CCDC102A: variants seen among roughly 807,000 people sequenced by gnomAD.
The protein encoded by CCDC102A is coiled-coil domain containing 102A.
CCDC102A carries 40 observed loss-of-function variants against 55.5 expected under a neutral mutation model. That is an observed-to-expected ratio of 0.72 (90% CI 0.56 to 0.94). CCDC102A has a LOEUF of 0.94. Ranked by LOEUF, CCDC102A falls within the 40% of genes least tolerant of loss-of-function variation. The probability of loss-of-function intolerance (pLI) is 0.00; values close to 1 mark genes in which losing one functional copy is unlikely to be tolerated. For synonymous variants in CCDC102A, 323 were observed against 339.0 expected (o/e 0.95, Z 0.52); for missense variants, 779 against 768.6 (o/e 1.01, Z -0.16).
At chr16:57,515,269 G>C in intron 8 of CCDC102A, 72 bp downstream of exon 8, 1 of 963,058 alleles carries the variant, frequency 1.0e-6, no homozygotes, top group Admixed American at 2.0e-5. Context: ...CTTGGTTTGG[G>C]CTCCGTCCCT....
chr16:57,533,453 C>T (rs1486571331), intron 1 of CCDC102A, among the ~76,000 whole-genome samples: 1 of 151,964 alleles, frequency 6.6e-6, no homozygotes, highest in East Asian at 1.9e-4. Flanking sequence ...GACACACACT[C>T]ACATACAGCC....
chr16:57,535,790 C>A (rs1228339337), intron 1 of CCDC102A, among the ~76,000 whole-genome samples: 6 of 152,168 alleles, frequency 3.9e-5, no homozygotes, highest in African/African-American at 1.4e-4. Flanking sequence ...TGGGGAGAGG[C>A]ACTAAAAAGA....
At chr16:57,519,748 C>T (rs2032014413) in intron 4 of CCDC102A, among the ~76,000 whole-genome samples, 2 of 152,210 alleles carry the variant, frequency 1.3e-5, no homozygotes, top group African/African-American at 4.8e-5. Flanking sequence ...CTGGACCCAG[C>T]CCTGAAAGGT....
At position 57,515,721 on chromosome 16, in the gene CCDC102A, T is replaced by A. The variant is rs182590117; in HGVS notation, c.1420-277A>T. Among the ~76,000 whole-genome samples, 39 of 152,022 alleles carry A rather than the reference T, an allele frequency of 2.6e-4. No individual in the cohort carries two copies. In the East Asian group the frequency reaches 6.9e-3, roughly 27 times the overall value. On this transcript the variant is annotated intron_variant, in intron 7 of 8. Coordinates refer to ENST00000258214, the MANE Select transcript of CCDC102A (RefSeq NM_033212.4). ...TCCTATCCTTCTGTCCCCATCAGTCTGTCCATCGGACCATTCGTCCAGGGA... is the reference window on the plus strand; with the variant it reads ...TCCTATCCTTCTGTCCCCATCAGTCAGTCCATCGGACCATTCGTCCAGGGA...
chr16:57,529,377 T>C lies in CCDC102A; in HGVS notation c.-147-53A>G, dbSNP rs118150695. 141 of 587,694 alleles carry C rather than the reference T, an allele frequency of 2.4e-4. No individual in the cohort carries two copies. In the East Asian group the frequency reaches 7.6e-3, roughly 32 times the overall value. 36.4% of individuals were successfully genotyped at this position (587,694 alleles called of 1,614,324 possible). ...CTGCGACCACCGTCAGTCTCGAAGA[T>C]CAGCCGCGCCAAGGCCCTGGCGGAG... On this transcript the variant is annotated intron_variant, in intron 1 of 8. Transcript: ENST00000258214. The surrounding 1 kb of genome is among the most constrained non-coding windows in gnomAD (Gnocchi z 4.1).
chr16:57,518,794 A>T, intron 4 of CCDC102A, 53 bp from the exon 5 acceptor site: 1 of 1,426,660 alleles, frequency 7.0e-7, no homozygotes, highest in Non-Finnish European at 9.7e-7. Context: ...TATAGCCTGG[A>T]ACCACCTCCG....
intron 1 of CCDC102A, among the ~76,000 whole-genome samples, chr16:57,531,292 G>T (rs2032256563): frequency 6.6e-6 from 1 of 151,604 alleles, no homozygotes; most frequent in Non-Finnish European, 1.5e-5. Flanking sequence ...ACTCCTTCCA[G>T]AGAAGGCACT....
chr16:57,514,928 C>T (rs1365900409), intron 8 of CCDC102A, among the ~76,000 whole-genome samples: 1 of 152,054 alleles, frequency 6.6e-6, no homozygotes, highest in African/African-American at 2.4e-5. Context: ...GGATCCAGGC[C>T]TGGGGCCCCT....
chr16:57,534,612 G>A lies in CCDC102A; in HGVS notation c.-148+1888C>T, dbSNP rs76398731. Among the ~76,000 whole-genome samples, 864 of 152,276 alleles carry A rather than the reference G, an allele frequency of 5.7e-3. 19 individuals carry two copies. In the South Asian group the frequency reaches 0.068, roughly 12 times the overall value. ...GCAAAGGCCTTACTTTGAAGTCCAC[G>A]AGCGAGGGCATCAGCACAGGGCCCA... On this transcript the variant is annotated intron_variant, in intron 1 of 8. Coordinates refer to ENST00000258214, the MANE Select transcript of CCDC102A (RefSeq NM_033212.4).
chr16:57,518,006 T>C, intron 6 of CCDC102A, 62 bp downstream of exon 6: 1 of 1,504,404 alleles, frequency 6.6e-7, no homozygotes, highest in Non-Finnish European at 8.9e-7. Flanking sequence ...GTAGGGAAGC[T>C]GCGCTCTGGC....
At chr16:57,524,890 A>T (rs1163970034) in intron 3 of CCDC102A, among the ~76,000 whole-genome samples, 1 of 152,096 alleles carries the variant, frequency 6.6e-6, no homozygotes, top group African/African-American at 2.4e-5. Context: ...CCCTGTTCTT[A>T]CTGATCACTC....
Position 57,529,277 on chromosome 16 carries a change from G to A in CCDC102A, c.-100C>T, listed in dbSNP as rs2032207915. ...CGATACAACTGTGCATGATGACGCC[G>A]TGCCCCGCTTCCCTCTGGGCCACCG... On this transcript the variant is annotated 5_prime_UTR_variant, in exon 2 of 9. It adds an upstream start codon to the 5' untranslated region. Transcript: ENST00000258214. This position sits in a 1 kb window ranked among gnomAD's most constrained non-coding sequence, Gnocchi z 4.1. 2 of 1,117,382 alleles carry A rather than the reference G, an allele frequency of 1.8e-6. No homozygotes were observed. The highest frequency in any genetic ancestry group is 4.7e-5 in the East Asian group (1 of 21,334). The allele number at this position is 1,117,382 out of a possible 1,614,324, so 69.2% of individuals were successfully genotyped here. A position where few individuals can be genotyped will look rare whatever the true frequency, so the allele number is the denominator to read the frequency against.
intron 4 of CCDC102A, among the ~76,000 whole-genome samples, chr16:57,519,029 C>A (rs542557314): frequency 5.1e-4 from 77 of 152,330 alleles, no homozygotes; most frequent in Non-Finnish European, 1.1e-3. Flanking sequence ...AAGATGAATG[C>A]AATCATACCA....
intron 2 of CCDC102A, among the ~76,000 whole-genome samples, chr16:57,526,478 C>T (rs1196924988): frequency 2.0e-5 from 3 of 152,232 alleles, no homozygotes; most frequent in African/African-American, 7.2e-5. Flanking sequence ...GCCTAGATTC[C>T]TTCCAAAGGA....
Position 57,512,416 on chromosome 16 carries a change from G to T in CCDC102A, c.*325C>A. ...CCAACAACTGCCCCCAACATGCCCA[G>T]CCCTGCATGAAGTCCTGGGTGGGTG... On this transcript the variant is annotated 3_prime_UTR_variant, in exon 9 of 9. Transcript: ENST00000258214. 1 of 401,944 alleles carries T rather than the reference G, an allele frequency of 2.5e-6. No homozygotes were observed. The highest frequency in any genetic ancestry group is 1.2e-4 in the South Asian group (1 of 8,172). 24.9% of individuals were successfully genotyped at this position (401,944 alleles called of 1,614,324 possible).
chr16:57,517,988 G>T, intron 6 of CCDC102A, 80 bp downstream of exon 6: 3 of 1,440,662 alleles, frequency 2.1e-6, no homozygotes, highest in South Asian at 1.3e-5. Flanking sequence ...CACCAGGCCT[G>T]ACACATAGTA....
Position 57,528,781 on chromosome 16 carries a change from T to G in CCDC102A, c.397A>C (p.Thr133Pro). 2.5e-6 allele frequency: 3 copies of G among 1,203,646 alleles called. No individual in the cohort carries two copies. Among genetic ancestry groups the G allele is most frequent in the Non-Finnish European group, 2.1e-6 (2 of 961,228 alleles). The allele number at this position is 1,203,646 out of a possible 1,614,324, so 74.6% of individuals were successfully genotyped here. Residue 133 changes from threonine to proline, a missense_variant, in exon 2 of 9, where the codon ACC becomes CCC. Coordinates refer to ENST00000258214, the MANE Select transcript of CCDC102A (RefSeq NM_033212.4). ...RQLRQRLDALTKELAGARRER... is the reference protein window; with the variant it reads ...RQLRQRLDALPKELAGARRER... Reference sequence around the variant, plus strand: ...CGCCGTGCGCCCGCCAGCTCCTTGGTGAGCGCGTCCAGGCGCTGGCGCAGC... The same window carrying G: ...CGCCGTGCGCCCGCCAGCTCCTTGGGGAGCGCGTCCAGGCGCTGGCGCAGC...
intron 4 of CCDC102A, among the ~76,000 whole-genome samples, 198 bp downstream of exon 4, chr16:57,520,870 G>A (rs898939861): frequency 3.3e-5 from 5 of 151,352 alleles, no homozygotes; most frequent in Non-Finnish European, 7.4e-5. Flanking sequence ...AACCCGGGAG[G>A]TGGAGGTTGC....
In CCDC102A at chr16:57,533,564, TCACA is replaced by T. The variant is rs1270894218; in HGVS notation, c.-148+2932_-148+2935del. Among the ~76,000 whole-genome samples, 7 of 118,324 alleles carry T rather than the reference TCACA, an allele frequency of 5.9e-5. No individual in the cohort carries two copies. In the South Asian group the frequency reaches 1.1e-3, roughly 19 times the overall value. The allele number at this position is 118,324 out of a possible 152,430, so 77.6% of individuals were successfully genotyped here. ...CACACACACCCCCAGGGACCTGCAC[TCACA>T]CACAGCCCCAGTAACGCGCACACTC... On this transcript the variant is annotated intron_variant, in intron 1 of 8. Transcript: ENST00000258214.
Sources: gnomAD v4.1 joint callset for allele counts (sites outside exome capture counted in the v4.1 genomes callset) on GRCh38, gnomAD v4.1.1 for gene constraint, Gnocchi (gnomAD v3.1) non-coding constraint, MANE v1.5 for transcripts, NCBI Gene and HGNC (gene_info 2026-07-23, HGNC 2026-07-21) for gene names.